Variants in ESRRG observed in about 807,000 individuals in gnomAD.
The protein encoded by ESRRG is estrogen related receptor gamma.
In ESRRG, 13 loss-of-function variants were observed where a neutral mutation model predicts 44.0. That is an observed-to-expected ratio of 0.30 (90% CI 0.19 to 0.47). The LOEUF is 0.47. Ranked by LOEUF, ESRRG falls within the 20% of genes least tolerant of loss-of-function variation. The pLI is 1.00. For synonymous variants in ESRRG, 215 were observed against 214.6 expected, an observed-to-expected ratio of 1.00 and a Z score of -0.02; for missense variants, 395 against 580.6, an observed-to-expected ratio of 0.68 and a Z score of 3.29.
At chr1:216,832,489 C>T (rs2095502122) in intron 2 of ESRRG, among the ~76,000 whole-genome samples, 1 of 152,136 alleles carries the variant, frequency 6.6e-6, no homozygotes, top group Non-Finnish European at 1.5e-5. Flanking sequence ...TAACCCTTTA[C>T]ATAAACAGCA....
At chr1:216,507,539 G>A (rs1426486139) in intron 6 of ESRRG, among the ~76,000 whole-genome samples, 1 of 152,122 alleles carries the variant, frequency 6.6e-6, no homozygotes, top group Non-Finnish European at 1.5e-5. Context: ...AACAACCACG[G>A]AAGGCCATCT....
intron 2 of ESRRG, among the ~76,000 whole-genome samples, chr1:216,885,623 C>T (rs2096505082): frequency 6.6e-6 from 1 of 150,866 alleles, no homozygotes; most frequent in Admixed American, 6.6e-5. Context: ...TAATGATTTC[C>T]ATCTATTTCC....
intron 2 of ESRRG, among the ~76,000 whole-genome samples, chr1:216,851,734 C>T (rs2095846083): frequency 1.3e-5 from 2 of 152,194 alleles, no homozygotes; most frequent in Admixed American, 1.3e-4. Flanking sequence ...TAAGACACTA[C>T]TGTTGGCTGC....
intron 2 of ESRRG, among the ~76,000 whole-genome samples, chr1:216,884,674 G>A (rs2096492387): frequency 6.6e-6 from 1 of 152,144 alleles, no homozygotes; most frequent in Non-Finnish European, 1.5e-5. Context: ...GGCACCTTTT[G>A]TCAAAGATCC....
intron 1 of ESRRG, among the ~76,000 whole-genome samples, chr1:217,009,671 T>C (rs1226117740): frequency 6.6e-6 from 1 of 151,702 alleles, no homozygotes; most frequent in Non-Finnish European, 1.5e-5. Flanking sequence ...CATGAGCATA[T>C]CCCATTGAGT....
rs576766199 is a variant in ESRRG, at chr1:217,034,572, A to G, written c.-106+54935T>C. Among the ~76,000 whole-genome samples, 28 of 152,324 alleles carry G rather than the reference A, an allele frequency of 1.8e-4. 1 individual carries two copies. The highest frequency in any genetic ancestry group is 6.5e-4 in the African/African-American group (27 of 41,580). ...CACTCTGGCCACAAAACAATTAAGC[A>G]CAGGGTACTGACATCTAAACCACTA... On this transcript the variant is annotated intron_variant, in intron 1 of 7. Transcript: ENST00000359162.
chr1:217,023,720 C>T (rs186686790), intron 1 of ESRRG, among the ~76,000 whole-genome samples: 1 of 152,308 alleles, frequency 6.6e-6, no homozygotes, highest in African/African-American at 2.4e-5. Flanking sequence ...GAATGATTTG[C>T]TCCCTGCCCA....
intron 2 of ESRRG, among the ~76,000 whole-genome samples, chr1:216,882,845 T>A (rs2096465499): frequency 6.6e-6 from 1 of 152,128 alleles, no homozygotes; most frequent in African/African-American, 2.4e-5. Flanking sequence ...CCTAATCACT[T>A]CATACTTTGT....
intron 2 of ESRRG, among the ~76,000 whole-genome samples, chr1:216,774,267 C>A (rs549241387): frequency 2.0e-5 from 3 of 152,076 alleles, no homozygotes; most frequent in Non-Finnish European, 4.4e-5. Flanking sequence ...CCTGAGAAAT[C>A]ATTTAGGTTC....
chr1:216,979,010 C>A (rs1405207670), intron 1 of ESRRG, among the ~76,000 whole-genome samples: 1 of 152,112 alleles, frequency 6.6e-6, no homozygotes, highest in Non-Finnish European at 1.5e-5. Context: ...AGTTATCCAG[C>A]CTTAGAGAGG....
At chr1:216,606,273 G>A (rs917267571) in intron 3 of ESRRG, among the ~76,000 whole-genome samples, 1 of 152,164 alleles carries the variant, frequency 6.6e-6, no homozygotes, top group African/African-American at 2.4e-5. Context: ...GCTGTGATAT[G>A]TTTAGACAAT....
chr1:216,629,180 T>C (rs1484888492), intron 3 of ESRRG, among the ~76,000 whole-genome samples: 2 of 152,118 alleles, frequency 1.3e-5, no homozygotes, highest in East Asian at 3.9e-4. Context: ...AGATTACCAC[T>C]TGGAACAAGA....
intron 1 of ESRRG, among the ~76,000 whole-genome samples, chr1:217,003,940 A>G (rs977404596): frequency 2.0e-5 from 3 of 151,978 alleles, no homozygotes; most frequent in Non-Finnish European, 2.9e-5. Flanking sequence ...TTGTGACCTC[A>G]AATTTGGAAA....
At chr1:216,716,471 A>G (rs567532335) in intron 1 of ESRRG, among the ~76,000 whole-genome samples, 1 of 151,972 alleles carries the variant, frequency 6.6e-6, no homozygotes, top group African/African-American at 2.4e-5. Flanking sequence ...TTAAATTGAC[A>G]TGTCTGTGAT....
chr1:216,784,160 CT>C (rs11572619), intron 2 of ESRRG, among the ~76,000 whole-genome samples: 13,474 of 151,080 alleles, frequency 0.089, 827 homozygotes, highest in African/African-American at 0.17. Flanking sequence ...CTGAGAGTTT[CT>C]TTTTTTTTAT....
chr1:216,936,187 A>C (rs2064122021), intron 2 of ESRRG, among the ~76,000 whole-genome samples: 2 of 152,106 alleles, frequency 1.3e-5, no homozygotes. Flanking sequence ...TTGTGGGGGC[A>C]ACAAAGAACA....
intron 1 of ESRRG, among the ~76,000 whole-genome samples, chr1:216,709,492 C>G (rs982867354): frequency 2.0e-5 from 3 of 151,792 alleles, no homozygotes; most frequent in Non-Finnish European, 4.4e-5. Context: ...AACCTTTAAT[C>G]TAATATATAC....
chr1:217,093,938 A>G (rs1395218059), upstream of ESRRG, among the ~76,000 whole-genome samples: 1 of 152,060 alleles, frequency 6.6e-6, no homozygotes, highest in Admixed American at 6.6e-5. Context: ...GCTGGAGTGC[A>G]GTGGCCTGAC....
At chr1:216,686,602 A>G (rs1257913194) in intron 1 of ESRRG, among the ~76,000 whole-genome samples, 1 of 151,728 alleles carries the variant, frequency 6.6e-6, no homozygotes, top group Non-Finnish European at 1.5e-5. Context: ...AAATTTCTAA[A>G]TATAAAATGC....
Sources: allele counts gnomAD v4.1 joint callset (sites outside exome capture counted in the v4.1 genomes callset), GRCh38; gene constraint gnomAD v4.1.1; transcripts MANE v1.5; gene names NCBI Gene and HGNC (gene_info 2026-07-23, HGNC 2026-07-21).